Variants in L3MBTL3 observed in about 807,000 individuals in gnomAD.
L3MBTL3 encodes lethal(3)malignant brain tumor-like protein 3.
A neutral mutation model predicts 102.3 loss-of-function variants in L3MBTL3; 27 were observed. That is an observed-to-expected ratio of 0.26 (90% CI 0.19 to 0.36). The LOEUF is 0.36. Among genes scored for constraint, L3MBTL3 ranks in the 10% least tolerant of loss-of-function variants. L3MBTL3 has a pLI of 1.00. For synonymous variants in L3MBTL3, 340 were observed against 320.9 expected (o/e 1.06, Z -0.64); for missense variants, 798 against 955.3 (o/e 0.84, Z 2.17).
In L3MBTL3 at chr6:130,052,980, G is replaced by C; in HGVS notation, c.571G>C (p.Asp191His). Residue 191 changes from aspartate to histidine, a missense_variant, in exon 7 of 23, where the codon GAT (aspartate) becomes CAT (histidine). Asp to His is a moderately conservative substitution (Grantham distance 81). Transcript: ENST00000361794. ...ADTKEDGEER[D>H]DEMENKQDVR... ...CACCAAGGAGGATGGAGAAGAGAGAGATGATGAAATGGTGAGTGCCTCTGC... is the reference window on the plus strand; with the variant it reads ...CACCAAGGAGGATGGAGAAGAGAGACATGATGAAATGGTGAGTGCCTCTGC... 6.2e-7 allele frequency: 1 copy of C among 1,613,296 alleles called. No homozygotes were observed. Among genetic ancestry groups the C allele is most frequent in the Non-Finnish European group, 8.5e-7 (1 of 1,179,270 alleles).
rs113644462 is a variant in L3MBTL3 at position 130,051,470 on chromosome 6, A to T, written c.449+62A>T. 139 of 1,418,530 alleles carry T rather than the reference A, an allele frequency of 9.8e-5. 1 individual carries two copies. In the African/African-American group the frequency reaches 1.2e-3, roughly 12 times the overall value. The allele number at this position is 1,418,530 out of a possible 1,614,324, so 87.9% of individuals were successfully genotyped here. On this transcript the variant is annotated intron_variant, in intron 6 of 22. Transcript: ENST00000361794. ...TTAGATTCCAAAGTCATGGTGCCTGAGAATATAGAAGTTTTATGCTCTCGG... is the reference window on the plus strand; with the variant it reads ...TTAGATTCCAAAGTCATGGTGCCTGTGAATATAGAAGTTTTATGCTCTCGG...
In L3MBTL3 at chr6:130,133,548, A is replaced by G; in HGVS notation, c.2063A>G (p.Glu688Gly). The change falls in exon 21 of 23, where the codon GAG (glutamate) becomes GGG (glycine). Residue 688 changes from glutamate to glycine, a missense_variant. This residue lies in a region of L3MBTL3 where 306 missense variants were observed against 314.4 expected (regional missense o/e 0.97). Coordinates refer to ENST00000361794, the MANE Select transcript of L3MBTL3 (RefSeq NM_032438.4). This position sits in a 1 kb window ranked among gnomAD's most constrained non-coding sequence, Gnocchi z 4.9. The part of the protein sequence containing the change: ...SPIPCLPLRW[E>G]QQSKLLPTVA... ...ATTCCATGTCTGCCCTTGCGCTGGG[A>G]GCAGCAAAGCAAACTTCTTCCAACT... 1 of 1,614,092 alleles carries G rather than the reference A, an allele frequency of 6.2e-7. No individual in the cohort carries two copies. The highest frequency in any genetic ancestry group is 8.5e-7 in the Non-Finnish European group (1 of 1,180,002).
chr6:130,139,018 A>G (rs1788018624), intron 22 of L3MBTL3, among the ~76,000 whole-genome samples: 1 of 152,160 alleles, frequency 6.6e-6, no homozygotes, highest in African/African-American at 2.4e-5. Flanking sequence ...AACCACCTTA[A>G]AGTCAGTGAC....
At chr6:130,044,691 A>T (rs1237156411) in intron 3 of L3MBTL3, among the ~76,000 whole-genome samples, 1 of 152,186 alleles carries the variant, frequency 6.6e-6, no homozygotes, top group Non-Finnish European at 1.5e-5. Context: ...CCCTTAAAAA[A>T]TAATTTAAAT....
In L3MBTL3 at chr6:130,049,692, T is replaced by A. The variant is rs777002336; in HGVS notation, c.215-64T>A. 6 of 1,605,910 alleles carry A rather than the reference T, an allele frequency of 3.7e-6. No homozygotes were observed. In the African/African-American group the frequency reaches 8.0e-5, roughly 21 times the overall value. On this transcript the variant is annotated intron_variant, in intron 4 of 22. Coordinates refer to ENST00000361794, the MANE Select transcript of L3MBTL3 (RefSeq NM_032438.4). Reference sequence around the variant, plus strand: ...AGCCAAAAGCCTGCCACTTTTTTTCTCATCTACTCCGATGGTTGTAACTAA... The same window carrying A: ...AGCCAAAAGCCTGCCACTTTTTTTCACATCTACTCCGATGGTTGTAACTAA...
At chr6:130,084,504 A>C (rs973324946) in intron 15 of L3MBTL3, among the ~76,000 whole-genome samples, 1 of 152,174 alleles carries the variant, frequency 6.6e-6, no homozygotes, top group Non-Finnish European at 1.5e-5. Flanking sequence ...AAATTTTAAG[A>C]GCAAAACCAT....
chr6:130,067,533 C>T (rs1782345175), intron 11 of L3MBTL3, among the ~76,000 whole-genome samples: 1 of 152,166 alleles, frequency 6.6e-6, no homozygotes, highest in South Asian at 2.1e-4. Context: ...ATGCATTAGC[C>T]ATCCCTTTGT....
chr6:130,025,719 C>T (rs1261809852), intron 2 of L3MBTL3, among the ~76,000 whole-genome samples: 1 of 152,118 alleles, frequency 6.6e-6, no homozygotes, highest in Non-Finnish European at 1.5e-5. Flanking sequence ...TTATATGTAA[C>T]AGTAAAATGC....
intron 18 of L3MBTL3, among the ~76,000 whole-genome samples, chr6:130,104,173 C>T (rs1231578083): frequency 6.6e-6 from 1 of 152,020 alleles, no homozygotes; most frequent in Non-Finnish European, 1.5e-5. Flanking sequence ...TTCAGTGACT[C>T]TTGCTCAGTT....
At chr6:130,120,732 G>A (rs958834808) in intron 19 of L3MBTL3, 147 bp from the exon 20 acceptor site, 2 of 579,416 alleles carry the variant, frequency 3.5e-6, no homozygotes, top group South Asian at 4.9e-5. Flanking sequence ...TTAATTAATT[G>A]CCTTGTAGGA....
chr6:130,055,883 TCCCTTCCCTTCCCTTCTGTCCCCTC>T (rs1180016392), intron 8 of L3MBTL3, among the ~76,000 whole-genome samples: 2 of 150,888 alleles, frequency 1.3e-5, no homozygotes, highest in African/African-American at 2.4e-5. Context: ...TGTCTTCTCT[TCCCTTCCCTTCCCTTCTGTCCCCTC>T]CCCTTCCCTT....
chr6:130,063,709 A>G (rs1385469731), intron 10 of L3MBTL3, among the ~76,000 whole-genome samples: 1 of 152,192 alleles, frequency 6.6e-6, no homozygotes, highest in Non-Finnish European at 1.5e-5. Context: ...TAGCACAAGT[A>G]TCTTCTCTGT....
intron 3 of L3MBTL3, among the ~76,000 whole-genome samples, chr6:130,048,641 T>G (rs962403546): frequency 6.6e-6 from 1 of 152,160 alleles, no homozygotes; most frequent in African/African-American, 2.4e-5. Flanking sequence ...CCAGAGAAAT[T>G]TCCAGTTATT....
chr6:130,078,275 A>T (rs1240863083), intron 13 of L3MBTL3, among the ~76,000 whole-genome samples: 1 of 152,156 alleles, frequency 6.6e-6, no homozygotes, highest in African/African-American at 2.4e-5. Flanking sequence ...TAATGATATT[A>T]TGTTTGCATT....
intron 5 of L3MBTL3, among the ~76,000 whole-genome samples, chr6:130,050,118 A>G (rs772284880): frequency 2.0e-5 from 3 of 152,204 alleles, no homozygotes; most frequent in Non-Finnish European, 4.4e-5. Flanking sequence ...TCTCATCTGA[A>G]CTATTGCAGA....
chr6:130,123,507 A>G (rs750612650), intron 20 of L3MBTL3, among the ~76,000 whole-genome samples: 1 of 152,166 alleles, frequency 6.6e-6, no homozygotes, highest in Non-Finnish European at 1.5e-5. Flanking sequence ...TTGGCCTATA[A>G]TGTTCTCCTT....
At chr6:130,060,682 GAACAGACC>G (rs1781833648) in intron 10 of L3MBTL3, among the ~76,000 whole-genome samples, 3 of 151,638 alleles carry the variant, frequency 2.0e-5, no homozygotes, top group Admixed American at 2.0e-4. Flanking sequence ...TTAACATAAG[GAACAGACC>G]AACAGATACT....
Position 130,071,022 on chromosome 6 carries a change from T to G in L3MBTL3, c.1139T>G (p.Val380Gly). Residue 380 changes from valine to glycine, a missense_variant, in exon 13 of 23, where the codon GTA (valine) becomes GGA (glycine). Transcript: ENST00000361794. ...CGAGTTGGTATGAAGCTTGAGGCAG[T>G]AGACAAAAAGAATCCCTCATTCATC... is the stretch of plus-strand genomic sequence containing the variant. ...GFRVGMKLEA[V>G]DKKNPSFICV... 1 of 1,613,378 alleles carries G rather than the reference T, an allele frequency of 6.2e-7. No homozygotes were observed. Among genetic ancestry groups the G allele is most frequent in the Non-Finnish European group, 8.5e-7 (1 of 1,179,488 alleles).
At position 130,135,602 on chromosome 6, in the gene L3MBTL3, C is replaced by G. The variant is rs543275360; in HGVS notation, c.2199+1697C>G. The stretch of plus-strand genomic sequence containing the variant: ...TCAAGTTTAAATTCAAAATGAGATG[C>G]TATTTTTTGAGTAATTTTTTTTATT... On this transcript the variant is annotated intron_variant, in intron 22 of 22. Transcript: ENST00000361794. 4.6e-5 allele frequency among the ~76,000 whole-genome samples: 7 copies of G among 152,118 alleles called. No individual in the cohort carries two copies. The South Asian group carries it at 1.5e-3, about 32-fold the overall frequency.
Sources: allele counts gnomAD v4.1 joint callset (sites outside exome capture counted in the v4.1 genomes callset), GRCh38; gene constraint gnomAD v4.1.1; regional missense constraint gnomAD v4.1.1; non-coding constraint Gnocchi (gnomAD v3.1); transcripts MANE v1.5; gene names NCBI Gene and HGNC (gene_info 2026-07-23, HGNC 2026-07-21).